The following LRRIQ1 variants were observed in gnomAD, a reference collection of about 807,000 sequenced individuals.
The protein encoded by LRRIQ1 is leucine rich repeats and IQ motif containing 1.
Under a neutral mutation model 211.9 loss-of-function variants are expected in LRRIQ1, and 210 were observed. The observed-to-expected ratio is 0.99, with a 90% confidence interval of 0.89 to 1.11. The LOEUF (loss-of-function observed/expected upper bound fraction) is 1.11. Ranked by LOEUF, LRRIQ1 falls within the 50% of genes most tolerant of loss-of-function variation. The pLI is 0.00. For synonymous variants in LRRIQ1, 699 were observed against 650.1 expected (o/e 1.08, Z -1.14); for missense variants, 2,136 against 1,939.5 (o/e 1.10, Z -1.90).
chr12:85,092,030 T>C (rs1342564811), intron 11 of LRRIQ1, among the ~76,000 whole-genome samples: 1 of 152,182 alleles, frequency 6.6e-6, no homozygotes, highest in African/African-American at 2.4e-5. Flanking sequence ...TAGATTCTCA[T>C]AGGAGCGTGA....
intron 9 of LRRIQ1, among the ~76,000 whole-genome samples, 175 bp from the exon 10 acceptor site, chr12:85,066,573 T>C (rs1014496261): frequency 1.3e-5 from 2 of 151,600 alleles, no homozygotes; most frequent in Non-Finnish European, 2.9e-5. Context: ...TTTATTAGTT[T>C]ACCTAATATT....
intron 21 of LRRIQ1, 108 bp from the exon 22 acceptor site, chr12:85,153,551 GCTAA>G: frequency 1.4e-6 from 1 of 699,638 alleles, no homozygotes; most frequent in Non-Finnish European, 2.4e-6. Context: ...AATGTTTTTT[GCTAA>G]CTTAGATTTT....
At chr12:85,107,537 A>T (rs1425107966) in intron 15 of LRRIQ1, among the ~76,000 whole-genome samples, 1 of 151,914 alleles carries the variant, frequency 6.6e-6, no homozygotes, top group African/African-American at 2.4e-5. Context: ...TTTACTTGGG[A>T]TTTATCACAC....
intron 1 of LRRIQ1, among the ~76,000 whole-genome samples, chr12:85,258,822 G>A (rs939621994): frequency 5.3e-5 from 8 of 151,672 alleles, no homozygotes; most frequent in Non-Finnish European, 8.8e-5. Context: ...CATAATGTTG[G>A]GTATATCAAT....
In LRRIQ1 at chr12:85,250,951, T is replaced by TAG. The variant is rs1469098554; in HGVS notation, c.121+6043_121+6044insGA. Among the ~76,000 whole-genome samples the TAG allele has an allele frequency of 1.3e-3, 147 of 112,226 alleles. 4 individuals carry two copies. Among genetic ancestry groups the TAG allele is most frequent in the African/African-American group, 4.7e-3 (130 of 27,592 alleles). The allele number at this position is 112,226 out of a possible 152,430, so 73.6% of individuals were successfully genotyped here. Reference sequence around the variant, plus strand: ...TATATATTATATATAATATATTTTATATATTATATATTATATTATATATAT... The same window carrying TAG: ...TATATATTATATATAATATATTTTATAGATATTATATATTATATTATATATAT... On this transcript the variant is annotated intron_variant, in intron 1 of 1. Coordinates refer to the LRRIQ1 transcript ENST00000602731.
intron 24 of LRRIQ1, among the ~76,000 whole-genome samples, chr12:85,199,854 G>T (rs1384733864): frequency 6.6e-6 from 1 of 152,132 alleles, no homozygotes; most frequent in Admixed American, 6.6e-5. Flanking sequence ...TACAATTCAA[G>T]AAGAGATTTT....
At chr12:85,272,681 T>C in the LRRIQ1 span, among the ~76,000 whole-genome samples, 1 of 152,148 alleles carries the variant, frequency 6.6e-6, no homozygotes, top group Admixed American at 6.5e-5. Flanking sequence ...TAATAAATTG[T>C]GCGTTCATGA....
In LRRIQ1 at chr12:85,049,588, C is replaced by G. The variant is rs1397783673; in HGVS notation, c.678+2118C>G. The stretch of plus-strand genomic sequence containing the variant: ...ATTTCCTCCCATCCTAAAAATAAAA[C>G]AAAAGAAAAATCGTGAGATCATTCT... On this transcript the variant is annotated intron_variant, in intron 6 of 26. Coordinates refer to ENST00000393217, the MANE Select transcript of LRRIQ1 (RefSeq NM_001079910.2). Among the ~76,000 whole-genome samples, 2 of 152,094 alleles carry G rather than the reference C, an allele frequency of 1.3e-5. 1 individual carries two copies. Among genetic ancestry groups the G allele is most frequent in the Non-Finnish European group, 2.9e-5 (2 of 67,996 alleles).
chr12:85,166,987 A>C (rs1378076430), intron 24 of LRRIQ1, among the ~76,000 whole-genome samples: 2 of 152,202 alleles, frequency 1.3e-5, no homozygotes, highest in African/African-American at 2.4e-5. Context: ...TTGATGAATA[A>C]CTGAAAAATA....
intron 19 of LRRIQ1, among the ~76,000 whole-genome samples, chr12:85,142,761 A>G (rs1360514468): frequency 6.6e-6 from 1 of 151,554 alleles, no homozygotes; most frequent in Non-Finnish European, 1.5e-5. Flanking sequence ...TTAACATAAT[A>G]TCCTCTTCGT....
intron 8 of LRRIQ1, among the ~76,000 whole-genome samples, chr12:85,062,113 T>C (rs942250059): frequency 3.3e-5 from 5 of 151,912 alleles, no homozygotes; most frequent in African/African-American, 1.2e-4. Flanking sequence ...TCAGTGTTTT[T>C]TGAAATAATA....
chr12:85,252,285 A>T (rs946887637), intron 1 of LRRIQ1, among the ~76,000 whole-genome samples: 1 of 151,922 alleles, frequency 6.6e-6, no homozygotes, highest in Non-Finnish European at 1.5e-5. Context: ...GTAGTTTTCT[A>T]TTGAAAAGTC....
Position 85,040,489 on chromosome 12 carries a change from G to T in LRRIQ1, c.133-1G>T. 3 of 1,509,418 alleles carry T rather than the reference G, an allele frequency of 2.0e-6. No homozygotes were observed. Among genetic ancestry groups the T allele is most frequent in the Admixed American group, 2.1e-5 (1 of 48,360 alleles). 93.5% of individuals were successfully genotyped at this position (1,509,418 alleles called of 1,614,324 possible). A position where few individuals can be genotyped will look rare whatever the true frequency, so the allele number is the denominator to read the frequency against. On this transcript the variant is annotated splice_acceptor_variant, in intron 2 of 26. Coordinates refer to ENST00000393217, the MANE Select transcript of LRRIQ1 (RefSeq NM_001079910.2). LOFTEE classifies it high-confidence loss of function. Reference sequence around the variant, plus strand: ...GTTTCTTGTATTATTCAAATTTTTAGGATTCAGTTGAATTACCAGAATCAG... The same window carrying T: ...GTTTCTTGTATTATTCAAATTTTTATGATTCAGTTGAATTACCAGAATCAG...
chr12:85,061,039 T>C (rs577090221), intron 8 of LRRIQ1, among the ~76,000 whole-genome samples: 34 of 152,002 alleles, frequency 2.2e-4, no homozygotes, highest in Admixed American at 1.2e-3. Context: ...AGTATAACTT[T>C]TTCAAATGTT....
At chr12:85,086,419 A>G (rs1884824800) in intron 11 of LRRIQ1, among the ~76,000 whole-genome samples, 1 of 151,102 alleles carries the variant, frequency 6.6e-6, no homozygotes. Context: ...CCTCACCCCC[A>G]CTCTTGTCAC....
At chr12:85,243,311 CTTT>C (rs952771814) in intron 26 of LRRIQ1, among the ~76,000 whole-genome samples, 1 of 100,308 alleles carries the variant, frequency 1.0e-5, no homozygotes, top group African/African-American at 3.9e-5. Flanking sequence ...TAATGTATAA[CTTT>C]TATTATTATT....
At chr12:85,042,951 A>G (rs1229721840) in intron 3 of LRRIQ1, among the ~76,000 whole-genome samples, 3 of 152,128 alleles carry the variant, frequency 2.0e-5, no homozygotes, top group Non-Finnish European at 4.4e-5. Context: ...TCTCAGTTGT[A>G]GAAAACAGAC....
In LRRIQ1 at chr12:85,153,526, A is replaced by G. The variant is rs1404717759; in HGVS notation, c.4542-137A>G. ...CATTTTAAATTAATGGCAGACTTTT[A>G]TTGCCTTTCAAGATAATGTTTTTTG... On this transcript the variant is annotated intron_variant, in intron 21 of 26. Transcript: ENST00000393217. The G allele has an allele frequency of 4.7e-6, 3 of 642,914 alleles. No homozygotes were observed. In the East Asian group the frequency reaches 8.9e-5, roughly 19 times the overall value. The allele number at this position is 642,914 out of a possible 1,614,324, so 39.8% of individuals were successfully genotyped here.
chr12:85,054,183 A>G (rs992211975), intron 7 of LRRIQ1, among the ~76,000 whole-genome samples: 5 of 152,192 alleles, frequency 3.3e-5, no homozygotes, highest in African/African-American at 9.6e-5. Context: ...TTAAGATATG[A>G]CAGTACATAA....
Sources: gnomAD v4.1 joint callset for allele counts (sites outside exome capture counted in the v4.1 genomes callset) on GRCh38, gnomAD v4.1.1 for gene constraint, MANE v1.5 for transcripts, NCBI Gene and HGNC (gene_info 2026-07-23, HGNC 2026-07-21) for gene names.